The following MTUS2 variants were observed in gnomAD, a reference collection of about 807,000 sequenced individuals.
MTUS2 encodes the protein microtubule-associated tumor suppressor candidate 2.
A neutral mutation model predicts 114.1 loss-of-function variants in MTUS2; 40 were observed. The observed-to-expected ratio is 0.35, with a 90% CI of 0.27 to 0.46. MTUS2 has a LOEUF of 0.46. MTUS2 is among the 20% of genes least tolerant of loss of function. The probability of loss-of-function intolerance (pLI) is 1.00; values close to 1 mark genes in which losing one functional copy is unlikely to be tolerated. For missense variants in MTUS2, 1,679 were observed against 1,705.4 expected, an observed-to-expected ratio of 0.98 and a Z score of 0.27; for synonymous variants, 688 against 672.0, an observed-to-expected ratio of 1.02 and a Z score of -0.37.
chr13:28,835,032 A>T (rs187712736), intron 1 of MTUS2, among the ~76,000 whole-genome samples: 1 of 152,224 alleles, frequency 6.6e-6, no homozygotes, highest in African/African-American at 2.4e-5. Context: ...GTTGGTGAAG[A>T]TATGGAAATG....
At chr13:28,860,017 AT>A (rs1876871395) in intron 2 of MTUS2, among the ~76,000 whole-genome samples, 1 of 152,176 alleles carries the variant, frequency 6.6e-6, no homozygotes, top group Non-Finnish European at 1.5e-5. Flanking sequence ...TTTATATTAC[AT>A]TTAGTTGTGA....
At chr13:29,051,276 A>G (rs749007786) in intron 4 of MTUS2, among the ~76,000 whole-genome samples, 6 of 152,170 alleles carry the variant, frequency 3.9e-5, no homozygotes, top group Non-Finnish European at 7.4e-5. Context: ...AGAGGAACCA[A>G]TCATGACTGC....
chr13:29,386,730 A>G (rs1404753863), intron 8 of MTUS2, among the ~76,000 whole-genome samples: 7 of 152,328 alleles, frequency 4.6e-5, no homozygotes, highest in Admixed American at 3.9e-4. Flanking sequence ...AGTGAGTCCA[A>G]CTGCCCAGTT....
intron 1 of MTUS2, among the ~76,000 whole-genome samples, chr13:28,834,804 A>G (rs896858026): frequency 6.6e-6 from 1 of 152,306 alleles, no homozygotes; most frequent in Admixed American, 6.5e-5. Flanking sequence ...AGAATATATA[A>G]AAATGATTTC....
At chr13:29,183,346 G>A (rs887570950) in intron 5 of MTUS2, among the ~76,000 whole-genome samples, 1 of 152,092 alleles carries the variant, frequency 6.6e-6, no homozygotes, top group African/African-American at 2.4e-5. Context: ...CATCAATGGA[G>A]ATGAGGAAAA....
intron 2 of MTUS2, among the ~76,000 whole-genome samples, chr13:28,924,434 G>A (rs9550418): frequency 0.086 from 13,071 of 152,274 alleles, 635 homozygotes; most frequent in South Asian, 0.14. Context: ...CAATCAAGCA[G>A]TATCCTCCCG....
intron 5 of MTUS2, 35 bp downstream of exon 5, chr13:29,101,005 T>C (rs755836885): frequency 2.7e-6 from 4 of 1,504,890 alleles, no homozygotes; most frequent in Non-Finnish European, 3.6e-6. Flanking sequence ...GTGCCTTCAC[T>C]GAATTAAAAC....
chr13:29,145,654 TAGAG>T (rs1324706489), intron 5 of MTUS2, among the ~76,000 whole-genome samples: 2 of 152,176 alleles, frequency 1.3e-5, no homozygotes, highest in African/African-American at 4.8e-5. Context: ...AAATTGGACT[TAGAG>T]TGTTACCCCA....
intron 5 of MTUS2, among the ~76,000 whole-genome samples, chr13:29,147,087 A>G (rs774287896): frequency 2.6e-5 from 4 of 152,226 alleles, no homozygotes; most frequent in Non-Finnish European, 4.4e-5. Flanking sequence ...AATAAAGCCT[A>G]TAAGTCATGT....
chr13:28,861,346 AG>A (rs1181461332), intron 2 of MTUS2, among the ~76,000 whole-genome samples: 1 of 152,016 alleles, frequency 6.6e-6, no homozygotes, highest in Non-Finnish European at 1.5e-5. Flanking sequence ...ATGTAGTTGA[AG>A]GCTGTGGGGC....
chr13:29,142,217 T>G (rs1441512992), intron 5 of MTUS2, among the ~76,000 whole-genome samples: 3 of 152,074 alleles, frequency 2.0e-5, no homozygotes, highest in Non-Finnish European at 4.4e-5. Context: ...ACCGATAAAT[T>G]GGGGGTTGTT....
At chr13:29,403,771 C>G (rs909109035) in intron 8 of MTUS2, among the ~76,000 whole-genome samples, 2 of 152,196 alleles carry the variant, frequency 1.3e-5, no homozygotes, top group Non-Finnish European at 2.9e-5. Flanking sequence ...CTTCAGCTTG[C>G]TGACTTCAGA....
intron 8 of MTUS2, among the ~76,000 whole-genome samples, chr13:29,371,456 G>T (rs11840004): frequency 1.3e-5 from 2 of 152,086 alleles, no homozygotes; most frequent in Non-Finnish European, 2.9e-5. Flanking sequence ...GACCTCAGGC[G>T]ATCTGCTTGC....
rs957620995 is a variant in MTUS2, at chr13:28,907,731, A to G, written c.-243+67881A>G. ...TCCTAAATATATATGCACCCAATAC[A>G]GGAGCACCCAAATTCATAACGCAAG... is the stretch of plus-strand genomic sequence containing the variant. On this transcript the variant is annotated intron_variant, in intron 2 of 15. Coordinates refer to ENST00000612955, the MANE Select transcript of MTUS2 (RefSeq NM_001033602.4). Among the ~76,000 whole-genome samples the G allele has an allele frequency of 2.3e-4, 35 of 151,726 alleles. 1 individual carries two copies. The highest frequency in any genetic ancestry group is 2.9e-4 in the Non-Finnish European group (20 of 67,948).
chr13:29,003,623 A>G (rs1177482887), intron 2 of MTUS2, among the ~76,000 whole-genome samples: 2 of 152,170 alleles, frequency 1.3e-5, no homozygotes, highest in East Asian at 3.9e-4. Flanking sequence ...GTTTAAAAAT[A>G]TGCAGTGTTT....
intron 5 of MTUS2, among the ~76,000 whole-genome samples, chr13:29,110,113 T>G (rs1472326487): frequency 6.6e-6 from 1 of 152,250 alleles, no homozygotes; most frequent in Non-Finnish European, 1.5e-5. Context: ...CTTCAGCACA[T>G]TATCATTTTA....
chr13:29,175,926 G>C (rs1304282732), intron 5 of MTUS2, among the ~76,000 whole-genome samples: 3 of 152,082 alleles, frequency 2.0e-5, no homozygotes, highest in Admixed American at 6.6e-5. Context: ...CTTGGAGTGA[G>C]CTCAACAGCC....
chr13:29,085,943 C>T (rs1167632195), intron 4 of MTUS2, among the ~76,000 whole-genome samples: 1 of 152,078 alleles, frequency 6.6e-6, no homozygotes, highest in Non-Finnish European at 1.5e-5. Flanking sequence ...TTGCCAAAAT[C>T]TGTTATTTAC....
At chr13:29,423,214 C>T (rs1222897700) in intron 8 of MTUS2, among the ~76,000 whole-genome samples, 1 of 152,214 alleles carries the variant, frequency 6.6e-6, no homozygotes, top group Non-Finnish European at 1.5e-5. Flanking sequence ...TAGCCCAAGG[C>T]CCCATGCTGA....
Sources: gnomAD v4.1 joint callset for allele counts (sites outside exome capture counted in the v4.1 genomes callset) on GRCh38, gnomAD v4.1.1 for gene constraint, MANE v1.5 for transcripts, NCBI Gene and HGNC (gene_info 2026-07-23, HGNC 2026-07-21) for gene names.